Variants in LUZP2 observed in about 807,000 individuals in gnomAD.
LUZP2 encodes leucine zipper protein 2.
Under a neutral mutation model 51.6 loss-of-function variants are expected in LUZP2, and 52 were observed. The observed-to-expected ratio is 1.01, with a 90% confidence interval of 0.81 to 1.27. The LOEUF (loss-of-function observed/expected upper bound fraction) is 1.27. LUZP2 is among the 50% of genes most tolerant of loss of function. LUZP2 has a pLI of 0.00. For missense variants in LUZP2, 436 were observed against 395.4 expected (o/e 1.10, Z -0.87); for synonymous variants, 154 against 137.3 (o/e 1.12, Z -0.85).
intron 1 of LUZP2, among the ~76,000 whole-genome samples, chr11:24,689,034 G>GA (rs1285253129): frequency 5.3e-5 from 8 of 152,092 alleles, no homozygotes; most frequent in African/African-American, 1.9e-4. Flanking sequence ...TCAGCCAAGG[G>GA]GTATAAGGCA....
At chr11:24,886,599 A>G (rs1263620832) in intron 5 of LUZP2, among the ~76,000 whole-genome samples, 1 of 152,166 alleles carries the variant, frequency 6.6e-6, no homozygotes, top group East Asian at 1.9e-4. Context: ...GAAGATATCA[A>G]TTTTAAAATG....
chr11:24,595,285 G>A (rs993701927), intron 1 of LUZP2, among the ~76,000 whole-genome samples: 6 of 151,776 alleles, frequency 4.0e-5, no homozygotes, highest in African/African-American at 1.5e-4. Context: ...TCAACATTAA[G>A]TATATTTTAC....
rs3992984 is a variant in LUZP2 at position 24,545,555 on chromosome 11, C to CTTTTTTTTTTTTTTTTTTTTTTTTTTT, written c.62+48267_62+48268insTTTTTTTTTTTTTTTTTTTTTTTTTTT. Among the ~76,000 whole-genome samples the CTTTTTTTTTTTTTTTTTTTTTTTTTTT allele has an allele frequency of 1.7e-5, 2 of 120,798 alleles. 1 individual carries two copies. Among genetic ancestry groups the CTTTTTTTTTTTTTTTTTTTTTTTTTTT allele is most frequent in the Non-Finnish European group, 3.3e-5 (2 of 60,482 alleles). 79.2% of individuals were successfully genotyped at this position (120,798 alleles called of 152,430 possible). A position where few individuals can be genotyped will look rare whatever the true frequency, so the allele number is the denominator to read the frequency against. On this transcript the variant is annotated intron_variant, in intron 1 of 11. Transcript: ENST00000336930. ...TGGGGAGTCCTTTCATTGTTGCTTG[C>CTTTTTTTTTTTTTTTTTTTTTTTTTTT]TTTTTTTTTTTTTTTTTGACAGCTT...
Position 24,517,080 on chromosome 11 carries a change from T to G in LUZP2, c.62+19775T>G, listed in dbSNP as rs544567875. On this transcript the variant is annotated intron_variant, in intron 1 of 11. Coordinates refer to ENST00000336930, the MANE Select transcript of LUZP2 (RefSeq NM_001009909.4). ...AAAGATTTTTCTTTATCATATTTTT[T>G]GTGTTCTAAGTTGAAACATATGCAT... Among the ~76,000 whole-genome samples the G allele has an allele frequency of 2.0e-5, 3 of 152,322 alleles. No homozygotes were observed. In the East Asian group the frequency reaches 5.8e-4, roughly 29 times the overall value.
intron 5 of LUZP2, among the ~76,000 whole-genome samples, chr11:24,814,991 CAAA>C (rs61229028): frequency 0.54 from 42,812 of 79,970 alleles, 6,884 homozygotes; most frequent in East Asian, 0.71. Context: ...GACTCCGTCT[CAAA>C]AAAAAAAAAA....
chr11:24,824,365 T>A (rs1850457146), intron 5 of LUZP2, among the ~76,000 whole-genome samples: 2 of 1,184 alleles, frequency 1.7e-3, no homozygotes, highest in Non-Finnish European at 2.1e-3. Flanking sequence ...AAACCCCATC[T>A]CAAAAAAAAA....
At chr11:24,500,586 T>C (rs552633243) in intron 1 of LUZP2, among the ~76,000 whole-genome samples, 21 of 152,288 alleles carry the variant, frequency 1.4e-4, no homozygotes, top group African/African-American at 4.3e-4. Flanking sequence ...AAGGGACCCA[T>C]GGAGTGCTGG....
At chr11:24,926,857 G>T (rs1189899988) in intron 7 of LUZP2, among the ~76,000 whole-genome samples, 1 of 151,392 alleles carries the variant, frequency 6.6e-6, no homozygotes, top group East Asian at 1.9e-4. Context: ...ATTCCCACCA[G>T]CAGTGTAAAA....
chr11:24,681,746 G>A (rs1565074064), intron 1 of LUZP2, among the ~76,000 whole-genome samples: 1 of 152,092 alleles, frequency 6.6e-6, no homozygotes, highest in East Asian at 1.9e-4. Context: ...AATATGAAAT[G>A]TTATAAACTT....
chr11:25,033,827 G>A (rs1297445779), intron 9 of LUZP2, among the ~76,000 whole-genome samples: 1 of 151,976 alleles, frequency 6.6e-6, no homozygotes, highest in Admixed American at 6.6e-5. Flanking sequence ...ATCCACCATT[G>A]AAAAACAGGC....
chr11:24,616,536 C>G (rs1854296577), intron 1 of LUZP2, among the ~76,000 whole-genome samples: 1 of 150,814 alleles, frequency 6.6e-6, no homozygotes, highest in African/African-American at 2.4e-5. Context: ...GTTCAATTCC[C>G]TCAACACCAT....
At chr11:24,795,295 C>T (rs114258058) in intron 5 of LUZP2, among the ~76,000 whole-genome samples, 1,833 of 151,826 alleles carry the variant, frequency 0.012, 30 homozygotes, top group African/African-American at 0.035. Flanking sequence ...CTTTTTACTC[C>T]ACCTAGAGAA....
intron 5 of LUZP2, among the ~76,000 whole-genome samples, chr11:24,771,732 T>G (rs919362314): frequency 2.6e-5 from 4 of 152,022 alleles, no homozygotes; most frequent in African/African-American, 9.7e-5. Context: ...GGGGGCCAGG[T>G]GGAGATAATT....
intron 9 of LUZP2, among the ~76,000 whole-genome samples, chr11:25,004,578 T>C (rs1856781934): frequency 1.3e-5 from 2 of 152,216 alleles, no homozygotes; most frequent in South Asian, 4.1e-4. Context: ...TTAGAATCAA[T>C]TGACCCTCGA....
In LUZP2 at chr11:24,823,715, T is replaced by G. The variant is rs571506153; in HGVS notation, c.396+60407T>G. Among the ~76,000 whole-genome samples, 3 of 152,154 alleles carry G rather than the reference T, an allele frequency of 2.0e-5. No homozygotes were observed. In the East Asian group the frequency reaches 5.8e-4, roughly 29 times the overall value. On this transcript the variant is annotated intron_variant, in intron 5 of 11. Transcript: ENST00000336930. ...CGAATCCATAGTTATAATGCAGATA[T>G]TGAAGGGATATATAAAATAAATTAA...
intron 1 of LUZP2, among the ~76,000 whole-genome samples, chr11:24,682,872 C>T (rs931672453): frequency 1.3e-5 from 2 of 151,822 alleles, no homozygotes; most frequent in Admixed American, 6.6e-5. Context: ...GGCGTGATGG[C>T]GCGTGCCTCT....
chr11:25,004,069 C>A (rs981881492), intron 9 of LUZP2, among the ~76,000 whole-genome samples: 5 of 152,024 alleles, frequency 3.3e-5, no homozygotes, highest in Admixed American at 2.0e-4. Flanking sequence ...ATTTCCTGGC[C>A]CTCAATGGTT....
chr11:24,823,292 C>T (rs1850414893), intron 5 of LUZP2, among the ~76,000 whole-genome samples: 1 of 151,222 alleles, frequency 6.6e-6, no homozygotes, highest in Non-Finnish European at 1.5e-5. Flanking sequence ...AAAAGCAAGT[C>T]CAAAGGCACT....
intron 1 of LUZP2, among the ~76,000 whole-genome samples, chr11:24,656,698 A>G (rs780672765): frequency 1.3e-5 from 2 of 152,152 alleles, no homozygotes; most frequent in Non-Finnish European, 2.9e-5. Context: ...GCCATTTTAA[A>G]GGGCACCTGT....
Sources: allele counts gnomAD v4.1 joint callset (sites outside exome capture counted in the v4.1 genomes callset), GRCh38; gene constraint gnomAD v4.1.1; transcripts MANE v1.5; gene names NCBI Gene and HGNC (gene_info 2026-07-23, HGNC 2026-07-21).